PVT1: variants seen among roughly 807,000 people sequenced by gnomAD.
PVT1 encodes Pvt1 oncogene.
At chr8:128,033,763 G>A (rs2130075159) in intron 4 of PVT1, among the ~76,000 whole-genome samples, 1 of 152,328 alleles carries the variant, frequency 6.6e-6, no homozygotes, top group South Asian at 2.1e-4. Context: ...TGTAGTTGGA[G>A]CTGCTTCCCC....
intron 4 of PVT1, among the ~76,000 whole-genome samples, chr8:128,023,935 C>T (rs562142734): frequency 2.6e-5 from 4 of 152,312 alleles, no homozygotes; most frequent in East Asian, 3.9e-4. Context: ...ATTTGCTCTA[C>T]GCCAGGCACT....
rs1420457197 is a variant in PVT1 at position 127,804,539 on chromosome 8, T to G, written n.372+8468T>G. On this transcript the variant is annotated intron_variant and non_coding_transcript_variant, in intron 2 of 10. Transcript: ENST00000651587. ...TCATAGTGTATATGTTGCATCCTGA[T>G]TTTTTTTTTTTTTTTTTTTGAGACA... is the stretch of plus-strand genomic sequence containing the variant. Among the ~76,000 whole-genome samples the G allele has an allele frequency of 5.1e-5, 3 of 58,380 alleles. No individual in the cohort carries two copies. The African/African-American group carries it at 5.3e-4, about 10-fold the overall frequency. The allele number at this position is 58,380 out of a possible 152,430, so 38.3% of individuals were successfully genotyped here.
rs190601475 is a variant in PVT1, at chr8:127,905,246, C to T, written n.782+14248C>T. Among the ~76,000 whole-genome samples the T allele has an allele frequency of 2.7e-3, 412 of 152,282 alleles. 4 individuals are homozygous for T. The highest frequency in any genetic ancestry group is 0.022 in the Admixed American group (332 of 15,300). On this transcript the variant is annotated intron_variant and non_coding_transcript_variant, in intron 3 of 10. Coordinates refer to ENST00000651587, the Ensembl canonical transcript of PVT1. ...ACATTGGGGGTGATGCTTTAGCATGCCTTCTCTCTCCCACTCAGGAACATG... is the reference window on the plus strand; with the variant it reads ...ACATTGGGGGTGATGCTTTAGCATGTCTTCTCTCTCCCACTCAGGAACATG...
chr8:127,937,576 C>CAG (rs774441674), intron 3 of PVT1, among the ~76,000 whole-genome samples: 63 of 122,536 alleles, frequency 5.1e-4, no homozygotes, highest in South Asian at 8.2e-4. Flanking sequence ...CACACACACA[C>CAG]ACACAGAGAG....
At chr8:127,957,803 G>GCA (rs201255631) in intron 3 of PVT1, among the ~76,000 whole-genome samples, 2 of 152,156 alleles carry the variant, frequency 1.3e-5, no homozygotes, top group Admixed American at 6.5e-5. Context: ...CCCTGAACAT[G>GCA]CACACACACA....
chr8:127,897,339 A>G (rs1815691920), intron 3 of PVT1, among the ~76,000 whole-genome samples: 1 of 152,148 alleles, frequency 6.6e-6, no homozygotes, highest in African/African-American at 2.4e-5. Context: ...AGGGCAGGCT[A>G]TCTTAAGAGG....
At chr8:127,955,628 G>T (rs1371432371) in intron 3 of PVT1, among the ~76,000 whole-genome samples, 2 of 150,624 alleles carry the variant, frequency 1.3e-5, no homozygotes, top group East Asian at 4.1e-4. Flanking sequence ...TGTCGCCCAG[G>T]CTGGAGTGCA....
At chr8:128,075,939 A>C (rs1034347067) in intron 5 of PVT1, among the ~76,000 whole-genome samples, 3 of 152,236 alleles carry the variant, frequency 2.0e-5, no homozygotes, top group African/African-American at 7.2e-5. Flanking sequence ...GCTACAACAC[A>C]TTTTATCAAA....
In PVT1 at chr8:127,880,454, T is replaced by C. The variant is rs371838087; in HGVS notation, n.373-10135T>C. Among the ~76,000 whole-genome samples, 7 of 148,722 alleles carry C rather than the reference T, an allele frequency of 4.7e-5. No individual in the cohort carries two copies. The East Asian group carries it at 7.8e-4, about 17-fold the overall frequency. On this transcript the variant is annotated intron_variant and non_coding_transcript_variant, in intron 2 of 10. Transcript: ENST00000651587. The stretch of plus-strand genomic sequence containing the variant: ...ACAGGCGCTCGCCACCACGCCCGGC[T>C]AATTTTTTTTTTTTTGTATTTTTAG...
intron 2 of PVT1, among the ~76,000 whole-genome samples, chr8:127,801,140 G>A (rs969425702): frequency 2.6e-5 from 4 of 152,222 alleles, no homozygotes; most frequent in African/African-American, 7.2e-5. Flanking sequence ...AGGAGAACCC[G>A]AGCAGCATGC....
intron 3 of PVT1, among the ~76,000 whole-genome samples, chr8:127,919,941 G>A (rs1280263081): frequency 1.3e-5 from 2 of 152,164 alleles, no homozygotes; most frequent in Non-Finnish European, 2.9e-5. Flanking sequence ...CACTGAACAT[G>A]AAGAAGCATC....
chr8:127,886,450 T>C (rs1815525419), intron 2 of PVT1, among the ~76,000 whole-genome samples: 1 of 152,230 alleles, frequency 6.6e-6, no homozygotes. Context: ...TAAAATTACA[T>C]GTCTGTTAGG....
chr8:128,090,525 G>T (rs1814337529), intron 5 of PVT1, among the ~76,000 whole-genome samples: 1 of 152,142 alleles, frequency 6.6e-6, no homozygotes, highest in Admixed American at 6.5e-5. Context: ...TTAGGCTTTG[G>T]AATCCTCTTT....
chr8:128,016,708 G>A (rs149893226), intron 4 of PVT1, among the ~76,000 whole-genome samples: 3 of 152,230 alleles, frequency 2.0e-5, no homozygotes, highest in Non-Finnish European at 4.4e-5. Context: ...AGTCATGCCT[G>A]TACTGCTCTT....
intron 4 of PVT1, among the ~76,000 whole-genome samples, chr8:128,025,413 A>G (rs1322533684): frequency 1.3e-5 from 2 of 152,098 alleles, no homozygotes; most frequent in South Asian, 2.1e-4. Context: ...GGCCTGCGCA[A>G]TGTGCACAGA....
chr8:127,853,895 T>C (rs1368370620), intron 2 of PVT1, among the ~76,000 whole-genome samples: 1 of 151,806 alleles, frequency 6.6e-6, no homozygotes, highest in African/African-American at 2.4e-5. Context: ...ATTGTTTACA[T>C]CCCAGCTTTT....
intron 2 of PVT1, among the ~76,000 whole-genome samples, chr8:127,824,008 C>G (rs1814760782): frequency 6.6e-6 from 1 of 152,048 alleles, no homozygotes. Flanking sequence ...ACCTGGGCAA[C>G]AAAGCGAGAG....
intron 2 of PVT1, among the ~76,000 whole-genome samples, chr8:127,865,691 T>G (rs1327420064): frequency 2.0e-5 from 3 of 152,228 alleles, no homozygotes; most frequent in African/African-American, 7.2e-5. Context: ...AGACCCACTT[T>G]GAACTTTGTA....
intron 2 of PVT1, among the ~76,000 whole-genome samples, chr8:127,864,710 G>A (rs1381390513): frequency 1.3e-5 from 2 of 152,034 alleles, no homozygotes; most frequent in East Asian, 3.9e-4. Flanking sequence ...ACCACGCCCG[G>A]CTATTTTTTT....
Sources: gnomAD v4.1 joint callset for allele counts (sites outside exome capture counted in the v4.1 genomes callset) on GRCh38, gnomAD v4.1.1 for gene constraint, MANE v1.5 for transcripts, NCBI Gene and HGNC (gene_info 2026-07-23, HGNC 2026-07-21) for gene names.